The following MACF1 variants were observed in gnomAD, a reference collection of about 807,000 sequenced individuals.
MACF1 encodes microtubule-actin cross-linking factor 1.
MACF1 carries 193 observed loss-of-function variants against 854.8 expected under a neutral mutation model. The ratio of observed to expected loss-of-function variants is 0.23; its 90% CI spans 0.20 to 0.25. The LOEUF is 0.25. Among genes scored for constraint, MACF1 ranks in the 10% least tolerant of loss-of-function variants. The pLI is 1.00. For missense variants in MACF1, 7,722 were observed against 8,929.1 expected (o/e 0.86, Z 5.45); for synonymous variants, 3,185 against 3,226.7 (o/e 0.99, Z 0.44).
chr1:39,238,198 G>A (rs180890612), intron 2 of MACF1, among the ~76,000 whole-genome samples: 132 of 152,264 alleles, frequency 8.7e-4, no homozygotes, highest in African/African-American at 2.8e-3. Flanking sequence ...TGCTGTCACC[G>A]CTTCTGAGTT....
At chr1:39,220,711 C>G (rs1315677311) in intron 1 of MACF1, among the ~76,000 whole-genome samples, 1 of 151,684 alleles carries the variant, frequency 6.6e-6, no homozygotes, top group Non-Finnish European at 1.5e-5. Flanking sequence ...TCTTGAACTC[C>G]GGACCTCAAG....
At chr1:39,226,585 C>T (rs866312825) in intron 1 of MACF1, among the ~76,000 whole-genome samples, 2 of 152,030 alleles carry the variant, frequency 1.3e-5, no homozygotes, top group South Asian at 4.2e-4. Flanking sequence ...GTGATCCACC[C>T]GCCTCAGCCT....
chr1:39,424,284 A>T, intron 61 of MACF1, 90 bp downstream of exon 61: 1 of 1,169,958 alleles, frequency 8.5e-7, no homozygotes, highest in Non-Finnish European at 1.2e-6. Context: ...GATGATTCAT[A>T]TAGATTTTTG....
At chr1:39,417,639 C>T (rs914971825) in intron 58 of MACF1, among the ~76,000 whole-genome samples, 27 of 150,886 alleles carry the variant, frequency 1.8e-4, no homozygotes, top group African/African-American at 6.3e-4. Flanking sequence ...CTCTACCTCC[C>T]GGGTTCAAGC....
rs76595248 is a variant in MACF1 at position 39,478,446 on chromosome 1, G to A, written c.21959-1352G>A. 6.9e-3 allele frequency among the ~76,000 whole-genome samples: 1,053 copies of A among 152,308 alleles called. 9 individuals are homozygous for A. Among genetic ancestry groups the A allele is most frequent in the Middle Eastern group, 0.014 (4 of 294 alleles). On this transcript the variant is annotated intron_variant, in intron 97 of 100. Coordinates refer to ENST00000564288, the MANE Select transcript of MACF1 (RefSeq NM_001394062.1). ...ATCGGTTGACCTGATCGCCTCTGGT[G>A]AGCCTGAGGAAACTGAGGCCAGAGC...
intron 66 of MACF1, 150 bp downstream of exon 66, chr1:39,431,058 T>C: frequency 1.2e-6 from 1 of 816,286 alleles, no homozygotes; most frequent in Non-Finnish European, 2.0e-6. Flanking sequence ...TGGGAAATGA[T>C]TGGGTAGAAG....
chr1:39,434,888 A>G (rs935843341), intron 69 of MACF1, among the ~76,000 whole-genome samples: 9 of 152,232 alleles, frequency 5.9e-5, no homozygotes, highest in Non-Finnish European at 4.4e-5. Context: ...CTAAAAATCA[A>G]TGGAATTTAA....
chr1:39,308,843 A>T (rs1646241750), intron 23 of MACF1, among the ~76,000 whole-genome samples: 1 of 151,866 alleles, frequency 6.6e-6, no homozygotes, highest in African/African-American at 2.4e-5. Flanking sequence ...TTTAATAGAG[A>T]TGGGGTTTCT....
At chr1:39,254,018 C>A in intron 4 of MACF1, 1 of 364,938 alleles carries the variant, frequency 2.7e-6, no homozygotes, top group Non-Finnish European at 5.0e-6. Context: ...GCAGATGAAC[C>A]TGAACAGAAG....
At chr1:39,309,494 C>A in intron 23 of MACF1, 76 bp from the exon 24 acceptor site, 1 of 1,557,326 alleles carries the variant, frequency 6.4e-7, no homozygotes, top group Non-Finnish European at 8.8e-7. Context: ...AAGGCAATCA[C>A]ATTTTTCCTT....
intron 58 of MACF1, chr1:39,414,314 C>T (rs1254645381): frequency 6.2e-7 from 1 of 1,613,912 alleles, no homozygotes; most frequent in African/African-American, 1.3e-5. Flanking sequence ...GACTCAGTGC[C>T]TATTTCAGAA....
intron 19 of MACF1, 27 bp downstream of exon 19, chr1:39,295,177 T>G (rs1182084019): frequency 6.4e-7 from 1 of 1,559,410 alleles, no homozygotes. Flanking sequence ...TGTGTGAAGG[T>G]CAAATGCTGA....
intron 2 of MACF1, among the ~76,000 whole-genome samples, chr1:39,118,324 G>A (rs571059051): frequency 6.6e-6 from 1 of 151,898 alleles, no homozygotes; most frequent in African/African-American, 2.4e-5. Context: ...TAGAGGGGAA[G>A]AATGTAGGAC....
At chr1:39,138,338 C>T (rs977827272) in intron 2 of MACF1, among the ~76,000 whole-genome samples, 3 of 151,828 alleles carry the variant, frequency 2.0e-5, no homozygotes, top group African/African-American at 7.3e-5. Context: ...AATCCCAGCA[C>T]TTTGGGAGGC....
At chr1:39,116,959 T>G (rs1642563425) in intron 2 of MACF1, among the ~76,000 whole-genome samples, 1 of 152,260 alleles carries the variant, frequency 6.6e-6, no homozygotes. Flanking sequence ...TCCATGAAGG[T>G]TATGTAGTTA....
rs1229300612 is a variant in MACF1, at chr1:39,427,512, G to A, written c.16374G>A (p.Glu5458=). The A allele has an allele frequency of 6.2e-7, 1 of 1,614,098 alleles. No individual in the cohort carries two copies. Among genetic ancestry groups the A allele is most frequent in the Admixed American group, 1.7e-5 (1 of 60,024 alleles). Residue 5458 remains glutamate (E), a synonymous_variant, in exon 62 of 101, where the codon GAG becomes GAA. Coordinates refer to ENST00000564288, the MANE Select transcript of MACF1 (RefSeq NM_001394062.1). ...VLAKQFHETA[E]PISDFLSVTE... is the part of the protein sequence containing the mutation. Reference sequence around the variant, plus strand: ...CCAAACAGTTCCATGAGACAGCTGAGCCTATTTCTGACTTCTTATCTGTCA... The same window carrying A: ...CCAAACAGTTCCATGAGACAGCTGAACCTATTTCTGACTTCTTATCTGTCA...
At chr1:39,138,970 C>T (rs553749330) in intron 2 of MACF1, among the ~76,000 whole-genome samples, 1 of 151,910 alleles carries the variant, frequency 6.6e-6, no homozygotes, top group East Asian at 1.9e-4. Flanking sequence ...TGGCCTAGGC[C>T]AAATAATTTT....
intron 2 of MACF1, among the ~76,000 whole-genome samples, chr1:39,233,775 C>G (rs1178964728): frequency 2.7e-5 from 1 of 36,514 alleles, no homozygotes; most frequent in African/African-American, 7.1e-5. Context: ...CTAGCCATAG[C>G]TTTTTTTTTT....
At chr1:39,254,785 G>C (rs1324327849) in intron 5 of MACF1, 1 of 188,806 alleles carries the variant, frequency 5.3e-6, no homozygotes, top group East Asian at 1.4e-4. Context: ...TGCCACATCA[G>C]ATCTGAGAAA....
Sources: allele counts gnomAD v4.1 joint callset (sites outside exome capture counted in the v4.1 genomes callset), GRCh38; gene constraint gnomAD v4.1.1; transcripts MANE v1.5; gene names NCBI Gene and HGNC (gene_info 2026-07-23, HGNC 2026-07-21).